Variants in MACF1 observed in about 807,000 individuals in gnomAD.
MACF1 encodes microtubule actin crosslinking factor 1.
MACF1 carries 193 observed loss-of-function variants against 854.8 expected under a neutral mutation model. The ratio of observed to expected loss-of-function variants is 0.23; its 90% CI spans 0.20 to 0.25. MACF1 has a LOEUF of 0.25. Among genes scored for constraint, MACF1 ranks in the 10% least tolerant of loss-of-function variants. The pLI, the probability that MACF1 is intolerant of heterozygous loss-of-function variation, is 1.00. For synonymous variants in MACF1, 3,185 were observed against 3,226.7 expected (o/e 0.99, Z 0.44); for missense variants, 7,722 against 8,929.1 (o/e 0.86, Z 5.45).
Position 39,460,919 on chromosome 1 carries a change from C to T in MACF1, c.21523+125C>T. ...AGGAGCTTGGCTCACACCTGTAATTCCAGCACTTTGGGAGGCAGGTGGCAA... is the reference window on the plus strand; with the variant it reads ...AGGAGCTTGGCTCACACCTGTAATTTCAGCACTTTGGGAGGCAGGTGGCAA... On this transcript the variant is annotated intron_variant, in intron 92 of 100. Coordinates refer to ENST00000564288, the MANE Select transcript of MACF1 (RefSeq NM_001394062.1). This position sits in a 1 kb window ranked among gnomAD's most constrained non-coding sequence, Gnocchi z 4.1. 9.0e-7 allele frequency: 1 copy of T among 1,110,812 alleles called. No individual in the cohort carries two copies. Among genetic ancestry groups the T allele is most frequent in the Non-Finnish European group, 1.3e-6 (1 of 762,056 alleles). The allele number at this position is 1,110,812 out of a possible 1,614,324, so 68.8% of individuals were successfully genotyped here.
At chr1:39,185,088 G>A (rs1380424972) in intron 2 of MACF1, among the ~76,000 whole-genome samples, 6 of 151,778 alleles carry the variant, frequency 4.0e-5, no homozygotes, top group Non-Finnish European at 7.4e-5. Context: ...TCAGGAGATC[G>A]AGACCATCCT....
intron 21 of MACF1, 121 bp downstream of exon 21, chr1:39,297,866 T>C: frequency 8.3e-7 from 1 of 1,204,774 alleles, no homozygotes; most frequent in Non-Finnish European, 1.1e-6. Context: ...AAAGTTTGGC[T>C]TACATTCAAA....
chr1:39,325,723 A>C (rs1290073321), intron 35 of MACF1, among the ~76,000 whole-genome samples: 1 of 152,172 alleles, frequency 6.6e-6, no homozygotes, highest in East Asian at 1.9e-4. Flanking sequence ...GAGATTAAGA[A>C]AGGTATGGAT....
At chr1:39,405,486 A>G (rs1642662296) in intron 58 of MACF1, among the ~76,000 whole-genome samples, 1 of 152,200 alleles carries the variant, frequency 6.6e-6, no homozygotes, top group African/African-American at 2.4e-5. Context: ...GGGTCTCCAG[A>G]TTGTCCCAGA....
chr1:39,325,508 T>C (rs1186364257), intron 35 of MACF1, among the ~76,000 whole-genome samples: 1 of 152,138 alleles, frequency 6.6e-6, no homozygotes, highest in East Asian at 1.9e-4. Context: ...AAATGAAATA[T>C]ATGGTCAAGA....
At chr1:39,483,992 A>C (rs1645061418) in intron 99 of MACF1, among the ~76,000 whole-genome samples, 1 of 152,162 alleles carries the variant, frequency 6.6e-6, no homozygotes, top group African/African-American at 2.4e-5. Flanking sequence ...TCCACTAAAA[A>C]ATACAAAAAA....
rs755370021 is a variant in MACF1 at position 39,331,867 on chromosome 1, A to G, written c.5279A>G (p.Gln1760Arg). 25 of 1,614,184 alleles carry G rather than the reference A, an allele frequency of 1.5e-5. 1 individual carries two copies. The East Asian group carries it at 5.1e-4, about 33-fold the overall frequency. ...RAVQEGLIDR[Q>R]VTVRLLEAQL... is the part of the protein sequence containing the mutation. ...GTTCAGGAAGGGCTAATAGATAGGC[A>G]GGTCACTGTCCGGTTGCTGGAAGCT... The change falls in exon 37 of 101, where the codon CAG becomes CGG. Residue 1760 changes from glutamine to arginine, a missense_variant. Around this residue, in one of 15 missense-constraint regions of MACF1, gnomAD observed 1,531 missense variants for 1,601.6 expected, o/e 0.96. Transcript: ENST00000564288.
rs200167441 is a variant in MACF1, at chr1:39,429,972, G to C, written c.17034G>C (p.Leu5678=). The C allele has an allele frequency of 9.3e-6, 15 of 1,613,908 alleles. No individual in the cohort carries two copies. In the East Asian group the frequency reaches 2.0e-4, roughly 22 times the overall value. ...ATKFQSTYEE[L]TGWLREVEEE... The stretch of plus-strand genomic sequence containing the variant: ...AGTTCCAGTCTACTTATGAGGAACT[G>C]ACCGGGTGGCTGAGGGAGGTGGAGG... The change falls in exon 65 of 101, where the codon CTG becomes CTC. Residue 5678 remains leucine (L), a synonymous_variant. Transcript: ENST00000564288.
Position 39,354,243 on chromosome 1 carries a change from T to G in MACF1, c.11424+1012T>G, listed in dbSNP as rs148821183. Among the ~76,000 whole-genome samples the G allele has an allele frequency of 3.9e-5, 6 of 152,280 alleles. No homozygotes were observed. In the East Asian group the frequency reaches 1.2e-3, roughly 29 times the overall value. ...TCTTGGAACTTACTTGCTTCTCCATTGCATAAAGTAACGGAGGGGGCCCAG... is the reference window on the plus strand; with the variant it reads ...TCTTGGAACTTACTTGCTTCTCCATGGCATAAAGTAACGGAGGGGGCCCAG... On this transcript the variant is annotated intron_variant, in intron 44 of 100. Coordinates refer to ENST00000564288, the MANE Select transcript of MACF1 (RefSeq NM_001394062.1).
chr1:39,199,118 T>A (rs1644358363), intron 2 of MACF1, among the ~76,000 whole-genome samples: 1 of 151,820 alleles, frequency 6.6e-6, no homozygotes, highest in South Asian at 2.1e-4. Flanking sequence ...CCCAAGTAGC[T>A]GGGACTACAG....
intron 2 of MACF1, among the ~76,000 whole-genome samples, chr1:39,088,433 A>G (rs566425511): frequency 1.3e-4 from 20 of 152,208 alleles, no homozygotes; most frequent in African/African-American, 4.3e-4. Flanking sequence ...CCTGGCAACC[A>G]GCCCAGTCTG....
intron 2 of MACF1, among the ~76,000 whole-genome samples, chr1:39,090,021 G>A (rs1188506403): frequency 6.6e-6 from 1 of 152,202 alleles, no homozygotes; most frequent in Non-Finnish European, 1.5e-5. Flanking sequence ...CAAAGAAGGA[G>A]CCCAAGCCTC....
At position 39,315,502 on chromosome 1, in the gene MACF1, G is replaced by A. The variant is rs763456907; in HGVS notation, c.3271-11G>A. The A allele has an allele frequency of 6.2e-7, 1 of 1,613,264 alleles. No individual in the cohort carries two copies. Among genetic ancestry groups the A allele is most frequent in the Non-Finnish European group, 8.5e-7 (1 of 1,179,500 alleles). ...CTGTCTCCCTCTTTATGTGTGTCTT[G>A]TTCCTGGCAGCACACCCAGGAGGAT... On this transcript the variant is annotated splice_polypyrimidine_tract_variant and intron_variant, in intron 26 of 100. Coordinates refer to ENST00000564288, the MANE Select transcript of MACF1 (RefSeq NM_001394062.1).
intron 89 of MACF1, among the ~76,000 whole-genome samples, chr1:39,456,107 G>A (rs1321198365): frequency 2.6e-5 from 4 of 152,180 alleles, no homozygotes; most frequent in Admixed American, 2.6e-4. Flanking sequence ...GCCAAGGGGG[G>A]CAGATCACTT....
At chr1:39,340,403 G>A in intron 38 of MACF1, 99 bp from the exon 39 acceptor site, 3 of 794,894 alleles carry the variant, frequency 3.8e-6, no homozygotes, top group Non-Finnish European at 6.2e-6. Flanking sequence ...AAGCCCTAAA[G>A]TGTGTGTAGA....
At chr1:39,256,739 G>A (rs1645101122) in intron 5 of MACF1, among the ~76,000 whole-genome samples, 1 of 152,134 alleles carries the variant, frequency 6.6e-6, no homozygotes, top group Non-Finnish European at 1.5e-5. Flanking sequence ...GAGTTGTTGG[G>A]ATGAGATTTT....
chr1:39,221,054 A>G (rs931284690), intron 1 of MACF1, among the ~76,000 whole-genome samples: 1 of 152,174 alleles, frequency 6.6e-6, no homozygotes, highest in African/African-American at 2.4e-5. Flanking sequence ...GTTGGGGGAA[A>G]GGTTGCTCCT....
intron 22 of MACF1, among the ~76,000 whole-genome samples, chr1:39,302,264 C>T (rs1333090218): frequency 6.6e-6 from 1 of 152,162 alleles, no homozygotes; most frequent in Non-Finnish European, 1.5e-5. Flanking sequence ...TTCAGAAGTG[C>T]TGGGATTATA....
At chr1:39,258,292 T>C (rs1021859902) in intron 6 of MACF1, among the ~76,000 whole-genome samples, 4 of 152,226 alleles carry the variant, frequency 2.6e-5, no homozygotes, top group African/African-American at 9.6e-5. Context: ...GCAGTCTGGT[T>C]ATTAGAGGTC....
Sources: gnomAD v4.1 joint callset for allele counts (sites outside exome capture counted in the v4.1 genomes callset) on GRCh38, gnomAD v4.1.1 for gene constraint, gnomAD v4.1.1 regional missense constraint, Gnocchi (gnomAD v3.1) non-coding constraint, MANE v1.5 for transcripts, NCBI Gene and HGNC (gene_info 2026-07-23, HGNC 2026-07-21) for gene names.